Variants in ABCC4 observed in about 807,000 individuals in gnomAD.
ABCC4 encodes ATP binding cassette subfamily C member 4 (PEL blood group).
A neutral mutation model predicts 168.5 loss-of-function variants in ABCC4; 102 were observed. The ratio of observed to expected loss-of-function variants is 0.61; its 90% confidence interval spans 0.52 to 0.71. The LOEUF (loss-of-function observed/expected upper bound fraction) is 0.71. ABCC4 is among the 30% of genes least tolerant of loss of function. The pLI, the probability that ABCC4 is intolerant of heterozygous loss-of-function variation, is 0.00. For synonymous variants in ABCC4, 617 were observed against 590.7 expected, an observed-to-expected ratio of 1.04 and a Z score of -0.65; for missense variants, 1,402 against 1,605.8, an observed-to-expected ratio of 0.87 and a Z score of 2.17.
intron 18 of ABCC4, 94 bp downstream of exon 18, chr13:95,163,028 T>C: frequency 1.2e-6 from 1 of 813,986 alleles, no homozygotes; most frequent in Non-Finnish European, 2.2e-6. Context: ...TGTTAAGACA[T>C]TACTGAATGA....
At chr13:95,100,302 A>G (rs2034751508) in intron 20 of ABCC4, among the ~76,000 whole-genome samples, 1 of 152,228 alleles carries the variant, frequency 6.6e-6, no homozygotes, top group African/African-American at 2.4e-5. Context: ...TTCTTGTTAA[A>G]CTACAAACAT....
intron 29 of ABCC4, among the ~76,000 whole-genome samples, chr13:95,042,445 C>G (rs2032402725): frequency 6.6e-6 from 1 of 152,118 alleles, no homozygotes; most frequent in South Asian, 2.1e-4. Context: ...AGGACAATAA[C>G]TAAAGGACTG....
intron 3 of ABCC4, among the ~76,000 whole-genome samples, chr13:95,241,444 C>T (rs1465902519): frequency 6.6e-6 from 1 of 151,752 alleles, no homozygotes; most frequent in Non-Finnish European, 1.5e-5. Flanking sequence ...CAAAGACCAA[C>T]AAGCAGCATA....
chr13:95,216,634 C>CG (rs1481052299), intron 4 of ABCC4, among the ~76,000 whole-genome samples: 4 of 129,418 alleles, frequency 3.1e-5, no homozygotes, highest in Non-Finnish European at 6.4e-5. Context: ...AAAAAAAAAC[C>CG]AGCACAAATG....
intron 18 of ABCC4, among the ~76,000 whole-genome samples, chr13:95,162,163 C>G (rs1385884790): frequency 6.6e-6 from 1 of 152,192 alleles, no homozygotes; most frequent in East Asian, 1.9e-4. Context: ...CGGGCATTAT[C>G]CTTAGCCTGC....
chr13:95,161,027 G>T (rs1352695573), intron 19 of ABCC4, among the ~76,000 whole-genome samples, 162 bp downstream of exon 19: 1 of 127,214 alleles, frequency 7.9e-6, no homozygotes, highest in Non-Finnish European at 1.5e-5. Flanking sequence ...ATTTTCTCTG[G>T]TAGGAGAAAA....
intron 1 of ABCC4, among the ~76,000 whole-genome samples, chr13:95,271,347 T>C (rs2040842278): frequency 6.6e-6 from 1 of 152,096 alleles, no homozygotes; most frequent in Non-Finnish European, 1.5e-5. Context: ...GACAGGGCTG[T>C]AAACAATGAG....
chr13:95,273,214 CAT>C (rs1333341223), intron 1 of ABCC4, among the ~76,000 whole-genome samples: 1 of 152,204 alleles, frequency 6.6e-6, no homozygotes, highest in African/African-American at 2.4e-5. Flanking sequence ...ACCAATAGCA[CAT>C]GTGTTACAAT....
At chr13:95,102,634 CT>C (rs111272484) in intron 20 of ABCC4, among the ~76,000 whole-genome samples, 80 of 143,628 alleles carry the variant, frequency 5.6e-4, no homozygotes, top group Non-Finnish European at 4.9e-4. Flanking sequence ...CTAGTCACAC[CT>C]TTTTTTTTTT....
intron 19 of ABCC4, 61 bp downstream of exon 19, chr13:95,161,128 T>C: frequency 7.6e-7 from 1 of 1,308,170 alleles, no homozygotes; most frequent in East Asian, 2.7e-5. Context: ...GGAAATGTAA[T>C]CAGATCCTAA....
rs1046303097 is a variant in ABCC4 at position 95,155,843 on chromosome 13, T to C, written c.2455+5346A>G. Among the ~76,000 whole-genome samples the C allele has an allele frequency of 2.6e-4, 39 of 152,206 alleles. 1 individual carries two copies. Among genetic ancestry groups the C allele is most frequent in the Non-Finnish European group, 4.4e-5 (3 of 68,028 alleles). On this transcript the variant is annotated intron_variant, in intron 19 of 30. Coordinates refer to ENST00000645237, the MANE Select transcript of ABCC4 (RefSeq NM_005845.5). The stretch of plus-strand genomic sequence containing the variant: ...ATTAGAGTCAGTGTACTTAGCTAAA[T>C]GTTATGTCACCATAATTAGGCATGA...
Position 95,182,801 on chromosome 13 carries a change from G to A in ABCC4, c.1545+3900C>T, listed in dbSNP as rs911365807. On this transcript the variant is annotated intron_variant, in intron 11 of 30. Transcript: ENST00000645237. Reference sequence around the variant, plus strand: ...CAGAGCTGTCTGACCCCAAGGCCTCGGATTTTAACTACTACCCACTAAAGT... The same window carrying A: ...CAGAGCTGTCTGACCCCAAGGCCTCAGATTTTAACTACTACCCACTAAAGT... 5.3e-5 allele frequency among the ~76,000 whole-genome samples: 8 copies of A among 152,188 alleles called. No individual in the cohort carries two copies. In the East Asian group the frequency reaches 5.8e-4, roughly 11 times the overall value.
chr13:95,052,594 T>C (rs1207545382), intron 27 of ABCC4, among the ~76,000 whole-genome samples: 2 of 152,242 alleles, frequency 1.3e-5, no homozygotes, highest in Non-Finnish European at 2.9e-5. Flanking sequence ...GCATTAAAAT[T>C]ACACGTTTGC....
Position 95,158,364 on chromosome 13 carries a change from A to C in ABCC4, c.2455+2825T>G, listed in dbSNP as rs141309028. On this transcript the variant is annotated intron_variant, in intron 19 of 30. Transcript: ENST00000645237. ...CATTTCTATGCTGCAGACCAGAGTCACTGAGAATATTCCAGCACAAGGGCA... is the reference window on the plus strand; with the variant it reads ...CATTTCTATGCTGCAGACCAGAGTCCCTGAGAATATTCCAGCACAAGGGCA... Among the ~76,000 whole-genome samples, 33 of 152,250 alleles carry C rather than the reference A, an allele frequency of 2.2e-4. 1 individual carries two copies. The East Asian group carries it at 6.4e-3, about 30-fold the overall frequency.
intron 1 of ABCC4, among the ~76,000 whole-genome samples, chr13:95,278,465 T>C (rs1029576425): frequency 2.0e-5 from 3 of 151,976 alleles, no homozygotes; most frequent in Non-Finnish European, 1.5e-5. Context: ...TTCTTCTAGA[T>C]GGGTGATCAA....
chr13:95,244,296 G>A (rs560163910), intron 3 of ABCC4, among the ~76,000 whole-genome samples: 101 of 151,970 alleles, frequency 6.6e-4, no homozygotes, highest in African/African-American at 2.3e-3. Flanking sequence ...CAAAAGTAGG[G>A]TTAAAAGAAT....
intron 20 of ABCC4, among the ~76,000 whole-genome samples, chr13:95,099,988 T>C (rs1235759188): frequency 6.6e-6 from 1 of 152,190 alleles, no homozygotes; most frequent in Admixed American, 6.5e-5. Context: ...GTTCATCTTA[T>C]CAAGAAAACT....
intron 1 of ABCC4, among the ~76,000 whole-genome samples, chr13:95,280,214 G>A (rs73548861): frequency 0.012 from 1,784 of 151,978 alleles, 34 homozygotes; most frequent in African/African-American, 0.04. Flanking sequence ...TCAGGAGTTC[G>A]AGACCACCCT....
At chr13:95,128,971 A>G (rs2035872749) in intron 19 of ABCC4, among the ~76,000 whole-genome samples, 1 of 152,160 alleles carries the variant, frequency 6.6e-6, no homozygotes, top group African/African-American at 2.4e-5. Context: ...CTAGCTCTGT[A>G]TTGCTGTGCG....
Sources: gnomAD v4.1 joint callset for allele counts (sites outside exome capture counted in the v4.1 genomes callset) on GRCh38, gnomAD v4.1.1 for gene constraint, MANE v1.5 for transcripts, NCBI Gene and HGNC (gene_info 2026-07-23, HGNC 2026-07-21) for gene names.